RNF19B: variants seen among roughly 807,000 people sequenced by gnomAD.
RNF19B encodes the protein E3 ubiquitin-protein ligase RNF19B.
Under a neutral mutation model 65.5 loss-of-function variants are expected in RNF19B, and 23 were observed. The observed-to-expected ratio is 0.35, with a 90% CI of 0.25 to 0.50. RNF19B has a LOEUF of 0.50. RNF19B is among the 20% of genes least tolerant of loss of function. The pLI is 0.98. For synonymous variants in RNF19B, 372 were observed against 379.6 expected (o/e 0.98, Z 0.23); for missense variants, 794 against 980.0 (o/e 0.81, Z 2.53).
intron 3 of RNF19B, among the ~76,000 whole-genome samples, chr1:32,947,803 G>A (rs966468105): frequency 4.6e-5 from 7 of 152,002 alleles, no homozygotes; most frequent in African/African-American, 1.5e-4. Flanking sequence ...AAGTACTGAC[G>A]ATATTTATGA....
intron 6 of RNF19B, 29 bp downstream of exon 6, chr1:32,943,990 C>A: frequency 6.3e-7 from 1 of 1,583,690 alleles, no homozygotes; most frequent in South Asian, 1.1e-5. Flanking sequence ...ATCATAAATT[C>A]AAATGGAAAT....
intron 6 of RNF19B, among the ~76,000 whole-genome samples, chr1:32,943,568 A>T (rs1272069875): frequency 6.6e-6 from 1 of 152,002 alleles, no homozygotes; most frequent in African/African-American, 2.4e-5. Context: ...GTGAACCGAG[A>T]TCGCGACATC....
At chr1:32,951,649 G>A (rs141811453) in intron 1 of RNF19B, among the ~76,000 whole-genome samples, 2 of 152,148 alleles carry the variant, frequency 1.3e-5, no homozygotes, top group African/African-American at 2.4e-5. Context: ...CATCCCTCTT[G>A]AAAGCTCATC....
At chr1:32,939,979 G>T (rs771233535) in intron 7 of RNF19B, among the ~76,000 whole-genome samples, 1 of 152,204 alleles carries the variant, frequency 6.6e-6, no homozygotes, top group Non-Finnish European at 1.5e-5. Flanking sequence ...GTCATGAGAT[G>T]CACAGACGGG....
intron 1 of RNF19B, 119 bp downstream of exon 1, chr1:32,963,932 G>A: frequency 1.5e-6 from 2 of 1,342,624 alleles, no homozygotes; most frequent in South Asian, 1.8e-5. Context: ...TTACCACCCC[G>A]CCGAAGCTGC....
chr1:32,963,723 A>G (rs564469795), intron 1 of RNF19B, among the ~76,000 whole-genome samples: 111 of 148,556 alleles, frequency 7.5e-4, no homozygotes, highest in African/African-American at 2.7e-3. Flanking sequence ...GTCTCCAAAA[A>G]AAAAAAGAAA....
chr1:32,941,764 C>T (rs986654246), intron 7 of RNF19B, among the ~76,000 whole-genome samples: 7 of 151,696 alleles, frequency 4.6e-5, no homozygotes, highest in African/African-American at 1.5e-4. Context: ...GCATAACTGA[C>T]GTAACCTTTT....
chr1:32,930,810 G>A, the RNF19B span, among the ~76,000 whole-genome samples: 9 of 152,166 alleles, frequency 5.9e-5, no homozygotes, highest in Admixed American at 1.3e-4. Context: ...ATTCTTGGCC[G>A]GTCGCAGTGG....
In RNF19B at chr1:32,944,042, T is replaced by C. The variant is rs762979044; in HGVS notation, c.1379A>G (p.Asp460Gly). 1 of 1,611,950 alleles carries C rather than the reference T, an allele frequency of 6.2e-7. No individual in the cohort carries two copies. The highest frequency in any genetic ancestry group is 1.7e-4 in the Middle Eastern group (1 of 6,056). ...ACCTGTGATTGGACCATCATCTTCA[T>C]CAAATTCAATTTTCACTCCTTTTCC... ...ANGKGVKIEF[D>G]EDDGPITVAD... The change falls in exon 6 of 9, where the codon GAT becomes GGT. Residue 460 changes from aspartate to glycine, a missense_variant. Physicochemically the swap from Asp to Gly is moderately conservative, Grantham distance 94. Around this residue, in one of 3 missense-constraint regions of RNF19B, gnomAD observed 368 missense variants for 447.3 expected, o/e 0.82. Coordinates refer to ENST00000235150, the MANE Select transcript of RNF19B (RefSeq NM_001300826.2).
At chr1:32,943,972 T>C (rs1487462646) in intron 6 of RNF19B, 47 bp downstream of exon 6, 14 of 1,559,696 alleles carry the variant, frequency 9.0e-6, no homozygotes, top group Non-Finnish European at 1.2e-5. Flanking sequence ...CTGATTTTTA[T>C]CTTGTATATC....
intron 2 of RNF19B, among the ~76,000 whole-genome samples, chr1:32,949,335 G>T (rs1190576852): frequency 6.6e-6 from 1 of 152,148 alleles, no homozygotes; most frequent in African/African-American, 2.4e-5. Flanking sequence ...TAAGAAAGTA[G>T]GAACTACATA....
chr1:32,934,551 T>C (rs1400470226), downstream of RNF19B, among the ~76,000 whole-genome samples: 2 of 151,992 alleles, frequency 1.3e-5, no homozygotes. Context: ...TGTGGTGGCA[T>C]GCACCTGTAA....
intron 1 of RNF19B, among the ~76,000 whole-genome samples, chr1:32,958,829 A>G (rs1163092346): frequency 6.6e-6 from 1 of 152,204 alleles, no homozygotes; most frequent in Non-Finnish European, 1.5e-5. Flanking sequence ...TAGGTAGTCA[A>G]TGAATAGTCT....
intron 5 of RNF19B, among the ~76,000 whole-genome samples, chr1:32,944,940 G>A (rs375663269): frequency 9.2e-5 from 14 of 151,884 alleles, no homozygotes; most frequent in African/African-American, 2.7e-4. Flanking sequence ...CGCCCGCCTC[G>A]GCCTCCCAAA....
intron 3 of RNF19B, among the ~76,000 whole-genome samples, chr1:32,947,395 C>A (rs180869404): frequency 6.6e-6 from 1 of 152,288 alleles, no homozygotes; most frequent in Non-Finnish European, 1.5e-5. Flanking sequence ...CGCGGTGGCT[C>A]GCGCTTGTAA....
chr1:32,960,184 T>C (rs1642737427), intron 1 of RNF19B, among the ~76,000 whole-genome samples: 1 of 152,254 alleles, frequency 6.6e-6, no homozygotes, highest in South Asian at 2.1e-4. Flanking sequence ...AAATATTCTG[T>C]AAACAAATCA....
At position 32,936,668 on chromosome 1, in the gene RNF19B, T is replaced by C. The variant is rs1271472161; in HGVS notation, c.*138A>G. On this transcript the variant is annotated 3_prime_UTR_variant, in exon 9 of 9. Transcript: ENST00000235150. ...TAAGAAATTGTGAATTTCTCAGAAT[T>C]TCCCTGGGCAAAAACCTGTGACCAG... 1.1e-6 allele frequency: 1 copy of C among 898,368 alleles called. No homozygotes were observed. The highest frequency in any genetic ancestry group is 1.6e-6 in the Non-Finnish European group (1 of 640,514). The allele number at this position is 898,368 out of a possible 1,614,324, so 55.6% of individuals were successfully genotyped here. A position where few individuals can be genotyped will look rare whatever the true frequency, so the allele number is the denominator to read the frequency against.
intron 7 of RNF19B, among the ~76,000 whole-genome samples, chr1:32,941,584 C>T (rs893527367): frequency 1.3e-5 from 2 of 152,002 alleles, no homozygotes; most frequent in African/African-American, 4.8e-5. Flanking sequence ...AGCATAAATG[C>T]TACTGAAAGC....
In RNF19B at chr1:32,946,537, C is replaced by G. The variant is rs1336971114; in HGVS notation, c.1011G>C (p.Lys337Asn). ...LSPSGCTFWG[K>N]KPWSRKKKIL... is the part of the protein sequence containing the mutation. ...TTTTCTTCTTACGGCTCCATGGCTT[C>G]TTGCCCCAGAATGTACAGCCAGAGG... is the stretch of plus-strand genomic sequence containing the variant. Residue 337 changes from lysine (K) to asparagine (N), a missense_variant, in exon 4 of 9, where the codon AAG (lysine) becomes AAC (asparagine). Coordinates refer to ENST00000235150, the MANE Select transcript of RNF19B (RefSeq NM_001300826.2). 1 of 1,614,074 alleles carries G rather than the reference C, an allele frequency of 6.2e-7. No homozygotes were observed. The highest frequency in any genetic ancestry group is 1.1e-5 in the South Asian group (1 of 91,054).
Sources: gnomAD v4.1 joint callset for allele counts (sites outside exome capture counted in the v4.1 genomes callset) on GRCh38, gnomAD v4.1.1 for gene constraint, gnomAD v4.1.1 regional missense constraint, MANE v1.5 for transcripts, NCBI Gene and HGNC (gene_info 2026-07-23, HGNC 2026-07-21) for gene names.